The following DNAH14 variants were observed in gnomAD, a reference collection of about 807,000 sequenced individuals.
The protein encoded by DNAH14 is axonemal beta dynein heavy chain 14.
In DNAH14, 478 loss-of-function variants were observed where a neutral mutation model predicts 520.9. The ratio of observed to expected loss-of-function variants is 0.92; its 90% CI spans 0.85 to 0.99. The LOEUF is 0.99. Ranked by LOEUF, DNAH14 falls within the 50% of genes least tolerant of loss-of-function variation. DNAH14 has a pLI of 0.00. For missense variants in DNAH14, 4,831 were observed against 5,234.5 expected, an observed-to-expected ratio of 0.92 and a Z score of 2.38; for synonymous variants, 1,581 against 1,757.2, an observed-to-expected ratio of 0.90 and a Z score of 2.51.
intron 41 of DNAH14, among the ~76,000 whole-genome samples, chr1:225,216,267 T>G (rs2089304236): frequency 6.6e-6 from 1 of 152,228 alleles, no homozygotes; most frequent in African/African-American, 2.4e-5. Context: ...AGAGATCCAC[T>G]GTTAGTCTGA....
At chr1:225,094,239 T>C in intron 21 of DNAH14, among the ~76,000 whole-genome samples, 1 of 152,114 alleles carries the variant, frequency 6.6e-6, no homozygotes, top group East Asian at 1.9e-4. Context: ...ACTTCAAGGC[T>C]ACAGTAACCA....
chr1:225,358,741 T>G (rs1482901524), intron 74 of DNAH14, 89 bp downstream of exon 74: 2 of 1,359,370 alleles, frequency 1.5e-6, no homozygotes, highest in Non-Finnish European at 2.0e-6. Context: ...ATCCCCATAA[T>G]CCCCACATGT....
chr1:225,207,344 C>T (rs959756312), intron 41 of DNAH14, 124 bp downstream of exon 41: 9 of 951,970 alleles, frequency 9.5e-6, no homozygotes, highest in South Asian at 2.3e-5. Flanking sequence ...TTTGGACCAA[C>T]AGCAGATATG....
At chr1:225,029,206 C>T (rs79494650) in intron 11 of DNAH14, among the ~76,000 whole-genome samples, 8,756 of 151,952 alleles carry the variant, frequency 0.058, 346 homozygotes, top group Non-Finnish European at 0.078. Context: ...ATTTATATGA[C>T]ATTTTGGCAA....
At chr1:225,224,123 G>T (rs955270582) in intron 41 of DNAH14, among the ~76,000 whole-genome samples, 9 of 151,974 alleles carry the variant, frequency 5.9e-5, no homozygotes, top group African/African-American at 2.2e-4. Flanking sequence ...ACATTACTGG[G>T]TGATATTAAT....
At chr1:225,086,169 G>A (rs914725076) in intron 21 of DNAH14, among the ~76,000 whole-genome samples, 7 of 151,650 alleles carry the variant, frequency 4.6e-5, no homozygotes, top group South Asian at 2.1e-4. Context: ...GTCTTACTCC[G>A]TCACCCAGGC....
rs540264283 is a variant in DNAH14, at chr1:225,185,049, G to A, written c.5536-242G>A. Among the ~76,000 whole-genome samples the A allele has an allele frequency of 6.6e-4, 101 of 151,924 alleles. No homozygotes were observed. The South Asian group carries it at 7.9e-3, about 12-fold the overall frequency. On this transcript the variant is annotated intron_variant, in intron 36 of 85. Transcript: ENST00000682510. ...TAAAAAATAAATTTTAAAAAACATAGCCAAGAGGCTCCTAAATCTGGTAAA... is the reference window on the plus strand; with the variant it reads ...TAAAAAATAAATTTTAAAAAACATAACCAAGAGGCTCCTAAATCTGGTAAA...
chr1:225,270,763 C>T lies in DNAH14; in HGVS notation c.7568C>T (p.Ala2523Val), dbSNP rs1209722043. 2.2e-5 allele frequency: 34 copies of T among 1,551,170 alleles called. No individual in the cohort carries two copies. The highest frequency in any genetic ancestry group is 2.8e-5 in the Non-Finnish European group (32 of 1,146,778). ...KNIQDLSIVA[A>V]CVPVVNDISP... Reference sequence around the variant, plus strand: ...ATTCAAGATCTGTCTATAGTTGCAGCTTGTGTTCCAGTTGTGAATGATATC... The same window carrying T: ...ATTCAAGATCTGTCTATAGTTGCAGTTTGTGTTCCAGTTGTGAATGATATC... Residue 2523 changes from alanine to valine, a missense_variant, in exon 50 of 86, where the codon GCT becomes GTT. Physicochemically the swap from Ala to Val is moderately conservative, Grantham distance 64. Coordinates refer to ENST00000682510, the MANE Select transcript of DNAH14 (RefSeq NM_001367479.1).
intron 21 of DNAH14, among the ~76,000 whole-genome samples, chr1:225,096,775 C>A (rs764189580): frequency 2.0e-5 from 3 of 152,076 alleles, no homozygotes; most frequent in Non-Finnish European, 4.4e-5. Context: ...ATATGCATAT[C>A]ACATTTCTGG....
At chr1:225,050,178 T>G (rs1477348379) in intron 15 of DNAH14, 32 bp from the exon 16 acceptor site, 3 of 1,503,094 alleles carry the variant, frequency 2.0e-6, no homozygotes, top group African/African-American at 1.4e-5. Flanking sequence ...ATGGCATTTC[T>G]GAAGTACTGA....
At chr1:225,346,424 C>T (rs1558477617) in intron 70 of DNAH14, 32 bp from the exon 71 acceptor site, 1 of 1,530,476 alleles carries the variant, frequency 6.5e-7, no homozygotes, top group Admixed American at 2.2e-5. Flanking sequence ...TATTTAATCT[C>T]ACTGGATTAA....
chr1:225,196,922 GTT>G (rs2086214734), intron 38 of DNAH14, among the ~76,000 whole-genome samples: 1 of 151,980 alleles, frequency 6.6e-6, no homozygotes, highest in Non-Finnish European at 1.5e-5. Flanking sequence ...ATTCACTTGA[GTT>G]TGTTGTAGAT....
intron 41 of DNAH14, among the ~76,000 whole-genome samples, chr1:225,214,571 G>C (rs2088998063): frequency 6.6e-6 from 1 of 152,082 alleles, no homozygotes; most frequent in Non-Finnish European, 1.5e-5. Context: ...ATTAACTATT[G>C]CCTCAATTTC....
intron 41 of DNAH14, among the ~76,000 whole-genome samples, chr1:225,226,446 C>G (rs1169030027): frequency 6.6e-6 from 1 of 152,214 alleles, no homozygotes; most frequent in Non-Finnish European, 1.5e-5. Flanking sequence ...GGCAACACTA[C>G]CAATGCCACC....
chr1:225,011,607 G>A (rs1331097269), intron 10 of DNAH14, among the ~76,000 whole-genome samples: 3 of 152,106 alleles, frequency 2.0e-5, no homozygotes, highest in African/African-American at 7.2e-5. Flanking sequence ...ATGAATCTGG[G>A]TGCTCCTGTG....
intron 75 of DNAH14, among the ~76,000 whole-genome samples, chr1:225,361,325 T>C (rs1313706854): frequency 6.6e-6 from 1 of 152,232 alleles, no homozygotes; most frequent in East Asian, 1.9e-4. Flanking sequence ...TTTCTCTAGC[T>C]CAAAATACTT....
intron 69 of DNAH14, among the ~76,000 whole-genome samples, chr1:225,341,191 G>A (rs3856146): frequency 0.094 from 14,231 of 151,854 alleles, 1,121 homozygotes; most frequent in African/African-American, 0.22. Context: ...TGCAACCTCC[G>A]CCTCCTGGAT....
rs754276854 is a variant in DNAH14 at position 225,051,719 on chromosome 1, A to G, written c.2348A>G (p.Tyr783Cys). ...SLDYQSECLL[Y>C]IDNVIHMSHT... ...GATTATCAATCAGAATGCTTACTGTATATTGACAACGTCATACATATGAGC... is the reference window on the plus strand; with the variant it reads ...GATTATCAATCAGAATGCTTACTGTGTATTGACAACGTCATACATATGAGC... Residue 783 changes from tyrosine (Y) to cysteine (C), a missense_variant, in exon 17 of 86, where the codon TAT (tyrosine) becomes TGT (cysteine). Transcript: ENST00000682510. The G allele has an allele frequency of 3.3e-5, 51 of 1,551,108 alleles. No individual in the cohort carries two copies. Among genetic ancestry groups the G allele is most frequent in the Non-Finnish European group, 4.4e-5 (50 of 1,146,718 alleles).
At chr1:225,334,740 G>A (rs773101720) in intron 66 of DNAH14, among the ~76,000 whole-genome samples, 6 of 150,254 alleles carry the variant, frequency 4.0e-5, no homozygotes, top group East Asian at 2.0e-4. Context: ...ATGGTGACAC[G>A]TGCCTATAGT....
Sources: allele counts gnomAD v4.1 joint callset (sites outside exome capture counted in the v4.1 genomes callset), GRCh38; gene constraint gnomAD v4.1.1; transcripts MANE v1.5; gene names NCBI Gene and HGNC (gene_info 2026-07-23, HGNC 2026-07-21).